EGFLAM: variants seen among roughly 807,000 people sequenced by gnomAD.
EGFLAM encodes EGF like, fibronectin type III and laminin G domains.
EGFLAM carries 79 observed loss-of-function variants against 113.1 expected under a neutral mutation model. The observed-to-expected ratio is 0.70, with a 90% confidence interval of 0.58 to 0.84. EGFLAM has a LOEUF of 0.84. EGFLAM is among the 40% of genes least tolerant of loss of function. EGFLAM has a pLI of 0.00. For synonymous variants in EGFLAM, 504 were observed against 487.6 expected (o/e 1.03, Z -0.44); for missense variants, 1,265 against 1,291.6 (o/e 0.98, Z 0.32).
chr5:38,341,911 C>G (rs1462127906), intron 3 of EGFLAM, among the ~76,000 whole-genome samples: 1 of 151,398 alleles, frequency 6.6e-6, no homozygotes, highest in Non-Finnish European at 1.5e-5. Context: ...TTTACTCATG[C>G]AAGTTTTTTT....
chr5:38,441,021 A>G (rs540146087), intron 17 of EGFLAM, among the ~76,000 whole-genome samples: 253 of 152,296 alleles, frequency 1.7e-3, no homozygotes, highest in Non-Finnish European at 2.9e-3. Flanking sequence ...GAGCAGTTCC[A>G]GGCACTTGGA....
At chr5:38,442,062 G>A (rs1021062125) in intron 17 of EGFLAM, among the ~76,000 whole-genome samples, 1 of 152,032 alleles carries the variant, frequency 6.6e-6, no homozygotes, top group Admixed American at 6.6e-5. Context: ...CAACATTTAG[G>A]GCATTTATGT....
intron 17 of EGFLAM, among the ~76,000 whole-genome samples, chr5:38,442,378 AT>A (rs1742574618): frequency 6.8e-6 from 1 of 147,808 alleles, no homozygotes; most frequent in Non-Finnish European, 1.5e-5. Flanking sequence ...ATATGTTAAT[AT>A]TTAATACTAA....
At chr5:38,386,724 C>G (rs1740672518) in intron 6 of EGFLAM, among the ~76,000 whole-genome samples, 1 of 152,162 alleles carries the variant, frequency 6.6e-6, no homozygotes, top group South Asian at 2.1e-4. Flanking sequence ...CCAGGATGGT[C>G]TGGATCTCTT....
intron 1 of EGFLAM, among the ~76,000 whole-genome samples, chr5:38,326,291 T>C (rs985173862): frequency 2.0e-5 from 3 of 152,138 alleles, no homozygotes; most frequent in Non-Finnish European, 4.4e-5. Flanking sequence ...ATCCAGGACA[T>C]AGAGAGCAAA....
At chr5:38,344,909 C>CT (rs1739436477) in intron 3 of EGFLAM, among the ~76,000 whole-genome samples, 1 of 152,300 alleles carries the variant, frequency 6.6e-6, no homozygotes, top group African/African-American at 2.4e-5. Context: ...TAGGACCACA[C>CT]TTGGAAAGGA....
chr5:38,288,524 C>T (rs1028046860), intron 1 of EGFLAM, among the ~76,000 whole-genome samples: 1 of 152,008 alleles, frequency 6.6e-6, no homozygotes, highest in Admixed American at 6.5e-5. Context: ...TTATAATAGC[C>T]AAGAGTTTGA....
At chr5:38,321,136 T>G (rs2111893018) in intron 1 of EGFLAM, among the ~76,000 whole-genome samples, 1 of 139,758 alleles carries the variant, frequency 7.2e-6, no homozygotes, top group African/African-American at 2.7e-5. Context: ...GTGGGAGCCC[T>G]GAGTTTGTTT....
At chr5:38,394,661 G>A (rs1332699620) in intron 6 of EGFLAM, among the ~76,000 whole-genome samples, 10 of 149,928 alleles carry the variant, frequency 6.7e-5, no homozygotes, top group South Asian at 6.3e-4. Flanking sequence ...CACCCGCCTC[G>A]GCCTCCCAAA....
chr5:38,344,719 T>G (rs1739432036), intron 3 of EGFLAM, among the ~76,000 whole-genome samples: 1 of 152,194 alleles, frequency 6.6e-6, no homozygotes, highest in African/African-American at 2.4e-5. Context: ...TCCAACCCAT[T>G]GTTCTGCCAA....
intron 15 of EGFLAM, among the ~76,000 whole-genome samples, chr5:38,434,582 T>C (rs1249992993): frequency 6.6e-6 from 1 of 152,180 alleles, no homozygotes; most frequent in Non-Finnish European, 1.5e-5. Flanking sequence ...TTCCCAGAGC[T>C]CTCAAATGTA....
At chr5:38,298,230 A>G (rs1267867112) in intron 1 of EGFLAM, among the ~76,000 whole-genome samples, 1 of 152,222 alleles carries the variant, frequency 6.6e-6, no homozygotes. Context: ...CTGTACAGCA[A>G]CTGGCATTGT....
At chr5:38,415,854 A>G (rs1741623783) in intron 11 of EGFLAM, among the ~76,000 whole-genome samples, 1 of 152,126 alleles carries the variant, frequency 6.6e-6, no homozygotes, top group Admixed American at 6.5e-5. Flanking sequence ...AGCAGCAAGG[A>G]GAAGTGCTGG....
At chr5:38,418,302 C>T (rs772331929) in intron 12 of EGFLAM, 47 bp downstream of exon 12, 158 of 1,594,952 alleles carry the variant, frequency 9.9e-5, no homozygotes, top group Admixed American at 1.7e-4. Flanking sequence ...GGACTTATGT[C>T]TTATGGGACT....
chr5:38,445,819 TG>T, intron 17 of EGFLAM: 2 of 1,134,304 alleles, frequency 1.8e-6, no homozygotes. Flanking sequence ...CTACGCGTGG[TG>T]GGAAGCCTCC....
At chr5:38,388,807 A>G (rs1740733849) in intron 6 of EGFLAM, among the ~76,000 whole-genome samples, 1 of 150,370 alleles carries the variant, frequency 6.7e-6, no homozygotes, top group South Asian at 2.1e-4. Flanking sequence ...GCACACCTGT[A>G]GTCCCAGCTA....
At chr5:38,306,178 C>A (rs1579750938) in intron 1 of EGFLAM, among the ~76,000 whole-genome samples, 1 of 152,134 alleles carries the variant, frequency 6.6e-6, no homozygotes, top group Admixed American at 6.6e-5. Flanking sequence ...TAAATGATTC[C>A]TTGATTATAA....
At chr5:38,350,467 A>G (rs1442466439) in intron 3 of EGFLAM, 34 bp from the exon 4 acceptor site, 1 of 1,600,088 alleles carries the variant, frequency 6.2e-7, no homozygotes, top group African/African-American at 1.3e-5. Flanking sequence ...AGATGTACTG[A>G]TTGTTAGCAT....
At chr5:38,285,355 T>C (rs1437228797) in intron 1 of EGFLAM, among the ~76,000 whole-genome samples, 1 of 152,236 alleles carries the variant, frequency 6.6e-6, no homozygotes, top group Admixed American at 6.5e-5. Flanking sequence ...GTTGTACTTG[T>C]ATTTCATTCA....
Sources: gnomAD v4.1 joint callset for allele counts (sites outside exome capture counted in the v4.1 genomes callset) on GRCh38, gnomAD v4.1.1 for gene constraint, MANE v1.5 for transcripts, NCBI Gene and HGNC (gene_info 2026-07-23, HGNC 2026-07-21) for gene names.